Variants in MRPL48 observed in about 807,000 individuals in gnomAD.
MRPL48 encodes the protein mitochondrial ribosomal protein L48.
A neutral mutation model predicts 32.9 loss-of-function variants in MRPL48; 16 were observed. The observed-to-expected ratio is 0.49, with a 90% confidence interval of 0.33 to 0.74. MRPL48 has a LOEUF of 0.74. Ranked by LOEUF, MRPL48 falls within the 30% of genes least tolerant of loss-of-function variation. The probability of loss-of-function intolerance (pLI) is 0.02; values close to 1 mark genes in which losing one functional copy is unlikely to be tolerated. For synonymous variants in MRPL48, 94 were observed against 89.2 expected, an observed-to-expected ratio of 1.05 and a Z score of -0.31; for missense variants, 206 against 245.3, an observed-to-expected ratio of 0.84 and a Z score of 1.07.
intron 5 of MRPL48, among the ~76,000 whole-genome samples, chr11:73,848,113 TTTAAGTA>T (rs1187068468): frequency 6.6e-6 from 1 of 152,170 alleles, no homozygotes; most frequent in Non-Finnish European, 1.5e-5. Context: ...GTTCTATAGT[TTTAAGTA>T]TTATATTTAG....
At chr11:73,828,324 A>G (rs1947937298) in intron 4 of MRPL48, among the ~76,000 whole-genome samples, 1 of 151,586 alleles carries the variant, frequency 6.6e-6, no homozygotes, top group South Asian at 2.1e-4. Context: ...TCCTGGGCTC[A>G]AGAGAGCCTC....
rs775950071 is a variant in MRPL48 at position 73,825,839 on chromosome 11, C to G, written c.201+43C>G. 1.5e-5 allele frequency: 22 copies of G among 1,493,002 alleles called. No individual in the cohort carries two copies. In the South Asian group the frequency reaches 2.7e-4, roughly 18 times the overall value. 92.5% of individuals were successfully genotyped at this position (1,493,002 alleles called of 1,614,324 possible). A position where few individuals can be genotyped will look rare whatever the true frequency, so the allele number is the denominator to read the frequency against. The stretch of plus-strand genomic sequence containing the variant: ...TCTTTTGGAAAAGGATAATGTGCAG[C>G]TTTTGCAAAAACCTGAAGATCAGAT... On this transcript the variant is annotated intron_variant, in intron 4 of 7. Transcript: ENST00000310614.
intron 3 of MRPL48, among the ~76,000 whole-genome samples, chr11:73,820,125 A>G (rs1027671046): frequency 1.1e-4 from 16 of 152,176 alleles, no homozygotes; most frequent in African/African-American, 3.6e-4. Flanking sequence ...ATCTTTTAAA[A>G]ATATATATCA....
At chr11:73,860,222 T>C (rs1389510994) in intron 6 of MRPL48, 1 of 462,398 alleles carries the variant, frequency 2.2e-6, no homozygotes, top group Non-Finnish European at 3.9e-6. Flanking sequence ...CATTTAATAC[T>C]GATAACCCCC....
chr11:73,859,932 G>C lies in MRPL48; in HGVS notation c.397G>C (p.Glu133Gln). The C allele has an allele frequency of 6.2e-7, 1 of 1,613,800 alleles. No individual in the cohort carries two copies. Among genetic ancestry groups the C allele is most frequent in the Non-Finnish European group, 8.5e-7 (1 of 1,179,840 alleles). ...TTATGCAATGCCAACCAAAACCATAGAAGTGTTGCAGTTGCAGGACCAAGG... is the reference window on the plus strand; with the variant it reads ...TTATGCAATGCCAACCAAAACCATACAAGTGTTGCAGTTGCAGGACCAAGG... ...ESYAMPTKTI[E>Q]VLQLQDQGSK... The change falls in exon 6 of 8, where the codon GAA becomes CAA. Residue 133 changes from glutamate (E) to glutamine (Q), a missense_variant. Glu to Gln is a conservative substitution (Grantham distance 29). Coordinates refer to ENST00000310614, the MANE Select transcript of MRPL48 (RefSeq NM_016055.6).
At chr11:73,796,710 C>T (rs1947259651) in intron 1 of MRPL48, among the ~76,000 whole-genome samples, 1 of 152,198 alleles carries the variant, frequency 6.6e-6, no homozygotes, top group Admixed American at 6.5e-5. Context: ...GTACCTTTTC[C>T]AGGCCTGCCC....
intron 4 of MRPL48, among the ~76,000 whole-genome samples, chr11:73,830,106 G>GT (rs1458730156): frequency 1.3e-5 from 2 of 152,170 alleles, no homozygotes; most frequent in Non-Finnish European, 2.9e-5. Context: ...AGATTATGAG[G>GT]TCCCTAAGGG....
chr11:73,824,335 A>G (rs1947844816), intron 3 of MRPL48, among the ~76,000 whole-genome samples: 1 of 151,870 alleles, frequency 6.6e-6, no homozygotes, highest in Non-Finnish European at 1.5e-5. Context: ...CACGCCTGCA[A>G]TGCCAGTACT....
chr11:73,790,062 A>ATTTTT (rs34534770), intron 1 of MRPL48, among the ~76,000 whole-genome samples: 144 of 103,808 alleles, frequency 1.4e-3, no homozygotes, highest in South Asian at 3.3e-3. Flanking sequence ...TGCTCAGCTA[A>ATTTTT]TTTTTTTTTT....
chr11:73,829,451 G>C (rs1169373860), intron 4 of MRPL48, among the ~76,000 whole-genome samples: 2 of 149,918 alleles, frequency 1.3e-5, no homozygotes, highest in Non-Finnish European at 3.0e-5. Context: ...ACTGCCCCTT[G>C]AATACCTAGG....
At chr11:73,790,650 C>T (rs1279158220) in intron 1 of MRPL48, among the ~76,000 whole-genome samples, 1 of 151,840 alleles carries the variant, frequency 6.6e-6, no homozygotes, top group African/African-American at 2.4e-5. Flanking sequence ...TCCCAAAGTG[C>T]TGGGATTACA....
At chr11:73,825,653 A>C (rs11235922) in intron 3 of MRPL48, 55 bp from the exon 4 acceptor site, 169,509 of 1,474,136 alleles carry the variant, frequency 0.11, 11,176 homozygotes, top group South Asian at 0.26. Context: ...CTCTTAAAAA[A>C]CAACGATAAT....
chr11:73,861,665 G>A (rs577199081), intron 6 of MRPL48, among the ~76,000 whole-genome samples: 6 of 152,022 alleles, frequency 3.9e-5, no homozygotes, highest in African/African-American at 7.2e-5. Context: ...CACTGTGCCC[G>A]GCCAATGGAG....
chr11:73,822,744 G>A (rs1947805731), intron 3 of MRPL48, among the ~76,000 whole-genome samples: 1 of 152,126 alleles, frequency 6.6e-6, no homozygotes, highest in Non-Finnish European at 1.5e-5. Flanking sequence ...TACGTGGTCT[G>A]TGACCTGTTA....
At chr11:73,831,572 A>T (rs537131922) in intron 4 of MRPL48, among the ~76,000 whole-genome samples, 1 of 93,156 alleles carries the variant, frequency 1.1e-5, no homozygotes, top group Non-Finnish European at 2.3e-5. Flanking sequence ...AGATCTCATT[A>T]TTCCTTAAAG....
At chr11:73,795,708 G>A (rs1947243573) in intron 1 of MRPL48, among the ~76,000 whole-genome samples, 1 of 149,660 alleles carries the variant, frequency 6.7e-6, no homozygotes, top group Non-Finnish European at 1.5e-5. Flanking sequence ...GGGTTTCACT[G>A]TGTTAGCCAG....
At chr11:73,799,634 G>A (rs1947320612) in intron 1 of MRPL48, among the ~76,000 whole-genome samples, 1 of 152,156 alleles carries the variant, frequency 6.6e-6, no homozygotes, top group Non-Finnish European at 1.5e-5. Flanking sequence ...GGAAGGGTGG[G>A]AAGGCAGGAG....
chr11:73,794,184 GTATCTATCTATCTATCTATC>G (rs56944899), intron 1 of MRPL48, among the ~76,000 whole-genome samples: 4 of 139,178 alleles, frequency 2.9e-5, no homozygotes, highest in East Asian at 4.3e-4. Flanking sequence ...GTGAGACCCT[GTATCTATCTATCTATCTATC>G]TATCTATCTA....
intron 3 of MRPL48, among the ~76,000 whole-genome samples, chr11:73,812,132 C>A (rs1043985246): frequency 6.6e-6 from 1 of 152,190 alleles, no homozygotes; most frequent in Non-Finnish European, 1.5e-5. Flanking sequence ...GTGATCCAAC[C>A]GCCTCGGCCT....
Sources: allele counts gnomAD v4.1 joint callset (sites outside exome capture counted in the v4.1 genomes callset), GRCh38; gene constraint gnomAD v4.1.1; transcripts MANE v1.5; gene names NCBI Gene and HGNC (gene_info 2026-07-23, HGNC 2026-07-21).